Variants in TSHZ2 observed in about 807,000 individuals in gnomAD.
TSHZ2 encodes teashirt homolog 2.
In TSHZ2, 21 loss-of-function variants were observed where a neutral mutation model predicts 74.4. That is an observed-to-expected ratio of 0.28 (90% CI 0.20 to 0.41). TSHZ2 has a LOEUF of 0.41. TSHZ2 is among the 10% of genes least tolerant of loss of function. TSHZ2 has a pLI of 1.00. For missense variants in TSHZ2, 1,244 were observed against 1,293.5 expected, an observed-to-expected ratio of 0.96 and a Z score of 0.59; for synonymous variants, 540 against 515.3, an observed-to-expected ratio of 1.05 and a Z score of -0.65.
At chr20:53,480,449 AC>A (rs1986119484) in intron 2 of TSHZ2, among the ~76,000 whole-genome samples, 1 of 151,732 alleles carries the variant, frequency 6.6e-6, no homozygotes, top group Non-Finnish European at 1.5e-5. Flanking sequence ...CGCCTGTAGT[AC>A]CAGCTACTCA....
chr20:53,351,117 A>G (rs534308736), intron 2 of TSHZ2, among the ~76,000 whole-genome samples: 1 of 152,232 alleles, frequency 6.6e-6, no homozygotes, highest in African/African-American at 2.4e-5. Flanking sequence ...GGATATTTGC[A>G]TTTGATCACC....
chr20:53,093,524 G>A (rs1985949036), intron 1 of TSHZ2, among the ~76,000 whole-genome samples: 1 of 152,222 alleles, frequency 6.6e-6, no homozygotes, highest in Non-Finnish European at 1.5e-5. Flanking sequence ...TACTGAAGCA[G>A]TGCATGGAGC....
chr20:53,483,204 G>A lies in TSHZ2; in HGVS notation c.*9-3940G>A, dbSNP rs563787334. 1.5e-4 allele frequency among the ~76,000 whole-genome samples: 18 copies of A among 123,092 alleles called. No individual in the cohort carries two copies. The South Asian group carries it at 4.4e-3, about 30-fold the overall frequency. 80.8% of individuals were successfully genotyped at this position (123,092 alleles called of 152,430 possible). On this transcript the variant is annotated intron_variant, in intron 2 of 2. Transcript: ENST00000371497. ...AATCTCAGCACTTTGGGAGGCCAAG[G>A]CGGGGAGAATGGCTTGGCCTGGGCA...
intron 2 of TSHZ2, among the ~76,000 whole-genome samples, chr20:53,328,275 G>C (rs1031985331): frequency 3.3e-5 from 5 of 152,192 alleles, no homozygotes; most frequent in Admixed American, 2.6e-4. Context: ...ATTTGAAATA[G>C]AGCCTATTCT....
chr20:53,258,093 G>T (rs1330197697), intron 2 of TSHZ2, among the ~76,000 whole-genome samples: 2 of 152,194 alleles, frequency 1.3e-5, no homozygotes, highest in Non-Finnish European at 2.9e-5. Context: ...TGATGGAGAG[G>T]AGTCCTCCTA....
chr20:53,223,231 A>G (rs1359035383), intron 1 of TSHZ2, among the ~76,000 whole-genome samples: 1 of 152,138 alleles, frequency 6.6e-6, no homozygotes, highest in African/African-American at 2.4e-5. Context: ...TTTCCCAAGT[A>G]TGATATAGGC....
rs1186220193 is a variant in TSHZ2 at position 53,253,550 on chromosome 20, A to G, written c.92A>G (p.Glu31Gly). The G allele has an allele frequency of 2.5e-6, 4 of 1,613,626 alleles. No homozygotes were observed. Among genetic ancestry groups the G allele is most frequent in the Non-Finnish European group, 3.4e-6 (4 of 1,179,752 alleles). ...GAAGAGGAGGAAATAAAAGAAGAGG[A>G]GGAGGAGGAGGACAGCGGTTCAGTA... The part of the protein sequence containing the change: ...LKEEEEIKEE[E>G]EEEDSGSVAQ... Residue 31 changes from glutamate (E) to glycine (G), a missense_variant, in exon 2 of 3, where the codon GAG (glutamate) becomes GGG (glycine). Coordinates refer to ENST00000371497, the MANE Select transcript of TSHZ2 (RefSeq NM_173485.6).
chr20:53,184,493 G>A (rs1249218172), intron 1 of TSHZ2, among the ~76,000 whole-genome samples: 1 of 151,932 alleles, frequency 6.6e-6, no homozygotes, highest in Non-Finnish European at 1.5e-5. Context: ...GAATTTTAAG[G>A]CATTATAAAA....
intron 1 of TSHZ2, among the ~76,000 whole-genome samples, chr20:53,041,951 TG>T (rs773550147): frequency 6.6e-6 from 1 of 152,178 alleles, no homozygotes; most frequent in Non-Finnish European, 1.5e-5. Context: ...AATCTGATTA[TG>T]GTGGCAAGTT....
At chr20:53,373,626 A>C (rs1054822205) in intron 2 of TSHZ2, among the ~76,000 whole-genome samples, 2 of 152,198 alleles carry the variant, frequency 1.3e-5, no homozygotes, top group Admixed American at 6.5e-5. Flanking sequence ...GATGAGAAAT[A>C]GTTGCATTTG....
chr20:53,150,354 G>T (rs901061740), intron 1 of TSHZ2, among the ~76,000 whole-genome samples: 1 of 152,166 alleles, frequency 6.6e-6, no homozygotes, highest in Non-Finnish European at 1.5e-5. Context: ...ATTTAGTGAT[G>T]ATGCAAACCA....
rs1188501343 is a variant in TSHZ2 at position 53,491,671 on chromosome 20, A to G, written c.*4536A>G. 6.6e-6 allele frequency: 1 copy of G among 152,208 alleles called. No individual in the cohort carries two copies. The highest frequency in any genetic ancestry group is 1.5e-5 in the Non-Finnish European group (1 of 68,042). 9.4% of individuals were successfully genotyped at this position (152,208 alleles called of 1,614,324 possible). ...GTTTCTCCAAAAATTATTCATGCAC[A>G]AGGCAGCCCAAAGCTTCAGGGAAAA... On this transcript the variant is annotated 3_prime_UTR_variant, in exon 3 of 3. Coordinates refer to ENST00000371497, the MANE Select transcript of TSHZ2 (RefSeq NM_173485.6).
At chr20:53,299,863 G>A (rs1168111521) in intron 2 of TSHZ2, among the ~76,000 whole-genome samples, 2 of 152,200 alleles carry the variant, frequency 1.3e-5, no homozygotes, top group Non-Finnish European at 2.9e-5. Context: ...GAGCCCATCA[G>A]AGGATGACAT....
intron 2 of TSHZ2, among the ~76,000 whole-genome samples, chr20:53,396,349 TC>T (rs1982445089): frequency 6.6e-6 from 1 of 152,214 alleles, no homozygotes; most frequent in South Asian, 2.1e-4. Flanking sequence ...TGTAGTTTAT[TC>T]CTGACAATGA....
intron 2 of TSHZ2, among the ~76,000 whole-genome samples, chr20:53,460,895 C>A (rs185549709): frequency 1.3e-5 from 2 of 152,192 alleles, no homozygotes; most frequent in Admixed American, 1.3e-4. Flanking sequence ...GCAATCTGCC[C>A]GTTCTCAGAT....
intron 1 of TSHZ2, among the ~76,000 whole-genome samples, chr20:53,131,963 T>C (rs1455539623): frequency 6.7e-6 from 1 of 150,292 alleles, no homozygotes; most frequent in African/African-American, 2.5e-5. Context: ...AAAGTGGGAG[T>C]GGTGAAGGAG....
chr20:53,069,662 TACAC>T (rs11471151), intron 1 of TSHZ2, among the ~76,000 whole-genome samples: 6,220 of 138,762 alleles, frequency 0.045, 178 homozygotes, highest in African/African-American at 0.082. Context: ...AATGCTTTGA[TACAC>T]ACACACACAC....
intron 2 of TSHZ2, among the ~76,000 whole-genome samples, chr20:53,469,603 A>AG (rs1985701120): frequency 9.7e-6 from 1 of 102,928 alleles, no homozygotes; most frequent in African/African-American, 4.2e-5. Context: ...GAAGGACCCA[A>AG]GAAAGATAGA....
chr20:53,043,932 G>A (rs1984134960), intron 1 of TSHZ2, among the ~76,000 whole-genome samples: 1 of 152,116 alleles, frequency 6.6e-6, no homozygotes, highest in Non-Finnish European at 1.5e-5. Flanking sequence ...CAAAGAAAAA[G>A]CACTGAGCTA....
Sources: gnomAD v4.1 joint callset for allele counts (sites outside exome capture counted in the v4.1 genomes callset) on GRCh38, gnomAD v4.1.1 for gene constraint, MANE v1.5 for transcripts, NCBI Gene and HGNC (gene_info 2026-07-23, HGNC 2026-07-21) for gene names.